Variants in EBF2 observed in about 807,000 individuals in gnomAD.
EBF2 encodes the protein EBF transcription factor 2, also known as transcription factor COE2.
In EBF2, 21 loss-of-function variants were observed where a neutral mutation model predicts 72.8. That is an observed-to-expected ratio of 0.29 (90% CI 0.20 to 0.42). The LOEUF (loss-of-function observed/expected upper bound fraction) is 0.42, where lower values mean the gene tolerates loss of function less well. EBF2 is among the 10% of genes least tolerant of loss of function. EBF2 has a pLI of 1.00. For synonymous variants in EBF2, 299 were observed against 274.2 expected (o/e 1.09, Z -0.89); for missense variants, 637 against 731.2 (o/e 0.87, Z 1.49).
intron 7 of EBF2, among the ~76,000 whole-genome samples, chr8:25,903,076 T>C (rs7828684): frequency 1.2e-4 from 18 of 152,164 alleles, no homozygotes; most frequent in African/African-American, 4.3e-4. Context: ...TTTTTATGGA[T>C]ACGTAGCAGA....
intron 6 of EBF2, among the ~76,000 whole-genome samples, chr8:26,002,236 G>A (rs956343924): frequency 1.3e-5 from 2 of 152,178 alleles, no homozygotes; most frequent in Non-Finnish European, 2.9e-5. Flanking sequence ...TCTGCTGGTG[G>A]GGTGAGGGAT....
intron 6 of EBF2, among the ~76,000 whole-genome samples, chr8:26,005,623 A>T (rs1289916490): frequency 8.5e-6 from 1 of 117,728 alleles, no homozygotes; most frequent in Admixed American, 1.0e-4. Context: ...AGCCCCCTGA[A>T]GTTCAAGACC....
chr8:25,916,004 T>C (rs1193321695), intron 6 of EBF2, among the ~76,000 whole-genome samples: 1 of 152,092 alleles, frequency 6.6e-6, no homozygotes, highest in Non-Finnish European at 1.5e-5. Context: ...AAAGACCTTA[T>C]GGCCAGACGC....
chr8:26,017,967 G>A (rs1805139436), intron 6 of EBF2, among the ~76,000 whole-genome samples: 1 of 152,080 alleles, frequency 6.6e-6, no homozygotes, highest in Non-Finnish European at 1.5e-5. Context: ...AAGGCTCTGG[G>A]GTATGGGGTG....
intron 6 of EBF2, among the ~76,000 whole-genome samples, chr8:25,958,891 C>A (rs1381445759): frequency 2.0e-5 from 3 of 152,160 alleles, no homozygotes; most frequent in Admixed American, 6.5e-5. Context: ...CTTTCCATTT[C>A]TTTTTGACAG....
chr8:25,937,109 T>C (rs1303185472), intron 6 of EBF2, among the ~76,000 whole-genome samples: 3 of 152,128 alleles, frequency 2.0e-5, no homozygotes, highest in Non-Finnish European at 2.9e-5. Context: ...GATTGATTAA[T>C]GAGATGTCAG....
intron 6 of EBF2, among the ~76,000 whole-genome samples, chr8:26,005,561 T>TATAGAGAGAGGGAG (rs375386709): frequency 1.6e-5 from 1 of 63,886 alleles, no homozygotes; most frequent in East Asian, 4.2e-4. Flanking sequence ...TATATATATA[T>TATAGAGAGAGGGAG]AGAGAGAGAG....
At chr8:26,003,932 C>G (rs1307179429) in intron 6 of EBF2, among the ~76,000 whole-genome samples, 2 of 152,210 alleles carry the variant, frequency 1.3e-5, no homozygotes, top group African/African-American at 2.4e-5. Flanking sequence ...CCTGGGGGAC[C>G]AGGGGTAGTT....
At chr8:25,929,590 CAT>C (rs780264539) in intron 6 of EBF2, among the ~76,000 whole-genome samples, 8 of 152,140 alleles carry the variant, frequency 5.3e-5, no homozygotes, top group Non-Finnish European at 7.4e-5. Context: ...CCTTAATAAA[CAT>C]GTGTGCTTAA....
chr8:25,866,483 AAATATAT>A (rs1802319570), intron 10 of EBF2, among the ~76,000 whole-genome samples: 1 of 142,584 alleles, frequency 7.0e-6, no homozygotes, highest in South Asian at 2.1e-4. Context: ...TATAATATAA[AAATATAT>A]AATATATATA....
chr8:26,043,195 T>G (rs1381297908), intron 1 of EBF2, among the ~76,000 whole-genome samples: 1 of 152,242 alleles, frequency 6.6e-6, no homozygotes, highest in African/African-American at 2.4e-5. Flanking sequence ...ACAGCCCACC[T>G]GGCCATCAGA....
intron 7 of EBF2, among the ~76,000 whole-genome samples, chr8:25,900,743 A>G (rs1029849403): frequency 3.9e-5 from 6 of 152,124 alleles, no homozygotes; most frequent in African/African-American, 1.4e-4. Context: ...TTAAAAACTA[A>G]CCTGCACATT....
At chr8:25,866,337 A>G (rs1585266582) in intron 10 of EBF2, among the ~76,000 whole-genome samples, 2 of 150,628 alleles carry the variant, frequency 1.3e-5, no homozygotes, top group South Asian at 2.1e-4. Flanking sequence ...ATTATTTATC[A>G]TGGTTCAATA....
At position 25,986,016 on chromosome 8, in the gene EBF2, A is replaced by AAAAAAAAAAG. The variant is rs1804448033; in HGVS notation, c.551+47059_551+47068dup. On this transcript the variant is annotated intron_variant, in intron 6 of 15. Transcript: ENST00000520164. ...AACTCTGTCTCAAAAAAAAAAAAAAAAAAAAAAAAGTACATGAGGGGTTGG... is the reference window on the plus strand; with the variant it reads ...AACTCTGTCTCAAAAAAAAAAAAAAAAAAAAAAAAGAAAAAAAAAGTACATGAGGGGTTGG... Among the ~76,000 whole-genome samples, 4 of 149,578 alleles carry AAAAAAAAAAG rather than the reference A, an allele frequency of 2.7e-5. 1 individual carries two copies. Among genetic ancestry groups the AAAAAAAAAAG allele is most frequent in the African/African-American group, 7.4e-5 (3 of 40,626 alleles).
chr8:26,005,565 G>T lies in EBF2; in HGVS notation c.551+27520C>A, dbSNP rs866123124. Among the ~76,000 whole-genome samples the T allele has an allele frequency of 1.8e-3, 58 of 33,034 alleles. 2 individuals carry two copies. Among genetic ancestry groups the T allele is most frequent in the Admixed American group, 8.6e-3 (21 of 2,444 alleles). The allele number at this position is 33,034 out of a possible 152,430, so 21.7% of individuals were successfully genotyped here. A position where few individuals can be genotyped will look rare whatever the true frequency, so the allele number is the denominator to read the frequency against. On this transcript the variant is annotated intron_variant, in intron 6 of 15. Coordinates refer to ENST00000520164, the MANE Select transcript of EBF2 (RefSeq NM_022659.4). ...TTTTATATATATATATATATATAGA[G>T]AGAGAGAGAGAGAGGTATTTTGGGA... is the stretch of plus-strand genomic sequence containing the variant.
At position 25,871,096 on chromosome 8, in the gene EBF2, T is replaced by C. The variant is rs118083666; in HGVS notation, c.1010-8299A>G. 2.9e-3 allele frequency among the ~76,000 whole-genome samples: 446 copies of C among 152,306 alleles called. 2 individuals are homozygous for C. The highest frequency in any genetic ancestry group is 0.01 in the Middle Eastern group (3 of 294). ...GTTTGACAACTCTTTGGTTCCAGAC[T>C]GACTTCCCAACTGACCAGTTGCTTT... On this transcript the variant is annotated intron_variant, in intron 10 of 15. Coordinates refer to ENST00000520164, the MANE Select transcript of EBF2 (RefSeq NM_022659.4).
rs906766382 is a variant in EBF2, at chr8:25,855,103, G to A, written c.1528+3216C>T. Among the ~76,000 whole-genome samples, 10 of 152,184 alleles carry A rather than the reference G, an allele frequency of 6.6e-5. 1 individual carries two copies. The highest frequency in any genetic ancestry group is 2.4e-4 in the African/African-American group (10 of 41,436). ...GACATCTATCTCTCTATGGATAGAG[G>A]CCAAAGTAAAGAAAAGTACGTCTGG... On this transcript the variant is annotated intron_variant, in intron 14 of 15. Transcript: ENST00000520164.
chr8:25,870,882 T>C (rs949364123), intron 10 of EBF2, among the ~76,000 whole-genome samples: 1 of 151,946 alleles, frequency 6.6e-6, no homozygotes, highest in Non-Finnish European at 1.5e-5. Context: ...TGCATCCAAG[T>C]GAGAGAGAGG....
chr8:26,007,440 C>G (rs1804900350), intron 6 of EBF2, among the ~76,000 whole-genome samples: 1 of 152,134 alleles, frequency 6.6e-6, no homozygotes, highest in South Asian at 2.1e-4. Context: ...TCATTTACTG[C>G]TTGTTCTCCT....
Sources: allele counts gnomAD v4.1 joint callset (sites outside exome capture counted in the v4.1 genomes callset), GRCh38; gene constraint gnomAD v4.1.1; transcripts MANE v1.5; gene names NCBI Gene and HGNC (gene_info 2026-07-23, HGNC 2026-07-21).